The following EML6 variants were observed in gnomAD, a reference collection of about 807,000 sequenced individuals.
EML6 encodes the protein EMAP like 6.
Under a neutral mutation model 240.1 loss-of-function variants are expected in EML6, and 154 were observed. That is an observed-to-expected ratio of 0.64 (90% CI 0.56 to 0.73). The LOEUF is 0.73. EML6 is among the 30% of genes least tolerant of loss of function. The pLI is 0.00. For missense variants in EML6, 2,964 were observed against 2,474.6 expected, an observed-to-expected ratio of 1.20 and a Z score of -4.20; for synonymous variants, 1,148 against 899.0, an observed-to-expected ratio of 1.28 and a Z score of -4.95.
chr2:54,898,657 C>G (rs1346119527), intron 21 of EML6, among the ~76,000 whole-genome samples: 2 of 152,198 alleles, frequency 1.3e-5, no homozygotes, highest in Non-Finnish European at 2.9e-5. Context: ...TCCAATTTCT[C>G]TTTGGAAAGC....
Position 54,820,415 on chromosome 2 carries a change from C to G in EML6, c.478C>G (p.Pro160Ala). The G allele has an allele frequency of 1.3e-6, 2 of 1,549,566 alleles. No individual in the cohort carries two copies. Among genetic ancestry groups the G allele is most frequent in the African/African-American group, 1.4e-5 (1 of 73,046 alleles). ...ACAGATTTTTGATATTTCCTGGGATCCATATCAGCCAAACAGAGTGGTTAG... is the reference window on the plus strand; with the variant it reads ...ACAGATTTTTGATATTTCCTGGGATGCATATCAGCCAAACAGAGTGGTTAG... Reference protein sequence around the residue: ...SDRIFDISWDPYQPNRVVSCG... With the variant: ...SDRIFDISWDAYQPNRVVSCG... Residue 160 changes from proline (P) to alanine (A), a missense_variant, in exon 5 of 42, where the codon CCA (proline) becomes GCA (alanine). Coordinates refer to ENST00000356458, the MANE Select transcript of EML6 (RefSeq NM_001039753.4).
At position 54,724,071 on chromosome 2, in the gene EML6, T is replaced by C. The variant is rs2104351005; in HGVS notation, c.-514+294T>C. Among the ~76,000 whole-genome samples, 1 of 152,312 alleles carries C rather than the reference T, an allele frequency of 6.6e-6. No homozygotes were observed. The highest frequency in any genetic ancestry group is 1.9e-4 in the East Asian group (1 of 5,172). On this transcript the variant is annotated intron_variant, in intron 1 of 41. Transcript: ENST00000356458. This position sits in a 1 kb window ranked among gnomAD's most constrained non-coding sequence, Gnocchi z 5.2. Reference sequence around the variant, plus strand: ...GAAGTACACGATTTTTGCCACTTGTTATTTGATTTCTCCTCGACCAGGAGC... The same window carrying C: ...GAAGTACACGATTTTTGCCACTTGTCATTTGATTTCTCCTCGACCAGGAGC...
chr2:54,803,116 G>A (rs1670270329), intron 2 of EML6, among the ~76,000 whole-genome samples: 1 of 152,088 alleles, frequency 6.6e-6, no homozygotes, highest in African/African-American at 2.4e-5. Context: ...GAGAACAGAA[G>A]GGAGAGGAAA....
At chr2:54,758,031 C>A (rs559059913) in intron 2 of EML6, among the ~76,000 whole-genome samples, 2 of 152,022 alleles carry the variant, frequency 1.3e-5, no homozygotes, top group African/African-American at 4.8e-5. Flanking sequence ...AACTGAAAGT[C>A]TTGCATTGGA....
rs1323495706 is a variant in EML6, at chr2:54,895,213, A to C, written c.2855-60A>C. 5 of 1,531,166 alleles carry C rather than the reference A, an allele frequency of 3.3e-6. No individual in the cohort carries two copies. In the African/African-American group the frequency reaches 6.9e-5, roughly 21 times the overall value. The allele number at this position is 1,531,166 out of a possible 1,614,324, so 94.8% of individuals were successfully genotyped here. On this transcript the variant is annotated intron_variant, in intron 20 of 41. Transcript: ENST00000356458. ...AGTTCTTTGGAGCTATAAAAATTGA[A>C]TTTATACTAATAAGCAGTTGTTTTT...
intron 2 of EML6, among the ~76,000 whole-genome samples, chr2:54,784,012 T>C (rs544630786): frequency 1.3e-5 from 2 of 152,230 alleles, no homozygotes; most frequent in East Asian, 3.9e-4. Context: ...ACAGTCGTGA[T>C]CATAGTTCAT....
chr2:54,964,772 A>G, intron 38 of EML6, 39 bp downstream of exon 38: 1 of 1,541,128 alleles, frequency 6.5e-7, no homozygotes, highest in Non-Finnish European at 8.8e-7. Context: ...GCAACCAATA[A>G]TAACAGCAGT....
In EML6 at chr2:54,775,472, T is replaced by C. The variant is rs141210689; in HGVS notation, c.198-37760T>C. On this transcript the variant is annotated intron_variant, in intron 2 of 41. Coordinates refer to ENST00000356458, the MANE Select transcript of EML6 (RefSeq NM_001039753.4). ...TACTCCCTCATTTTGTGCAGATTTCTGTGCTCCTCCTAACCTCATTGGAGG... is the reference window on the plus strand; with the variant it reads ...TACTCCCTCATTTTGTGCAGATTTCCGTGCTCCTCCTAACCTCATTGGAGG... 4.2e-4 allele frequency among the ~76,000 whole-genome samples: 64 copies of C among 152,340 alleles called. 3 individuals carry two copies. In the East Asian group the frequency reaches 0.011, roughly 26 times the overall value.
At chr2:54,727,071 T>C (rs1420310644) in intron 2 of EML6, among the ~76,000 whole-genome samples, 1 of 152,106 alleles carries the variant, frequency 6.6e-6, no homozygotes, top group African/African-American at 2.4e-5. Context: ...GCCGGGCTAG[T>C]GGGATGTGAT....
At chr2:54,861,634 T>G (rs1003469082) in intron 12 of EML6, among the ~76,000 whole-genome samples, 1 of 152,054 alleles carries the variant, frequency 6.6e-6, no homozygotes, top group Non-Finnish European at 1.5e-5. Flanking sequence ...CATCTTAAGC[T>G]CTAGGGGCCA....
intron 22 of EML6, among the ~76,000 whole-genome samples, chr2:54,900,767 C>T (rs1673013266): frequency 6.6e-6 from 1 of 152,156 alleles, no homozygotes; most frequent in Admixed American, 6.5e-5. Context: ...CCATGCAGAC[C>T]AGCTTCAGGC....
At chr2:54,874,876 G>C (rs938967154) in intron 16 of EML6, among the ~76,000 whole-genome samples, 1 of 152,096 alleles carries the variant, frequency 6.6e-6, no homozygotes, top group Non-Finnish European at 1.5e-5. Context: ...AGTTTGGTGG[G>C]GTGGCCTGGG....
chr2:54,878,265 G>A (rs936284393), intron 16 of EML6, among the ~76,000 whole-genome samples: 8 of 152,224 alleles, frequency 5.3e-5, no homozygotes, highest in Non-Finnish European at 8.8e-5. Flanking sequence ...GGACCTCCGA[G>A]TGGACTGGCA....
At chr2:54,885,159 A>G (rs915557438) in intron 17 of EML6, among the ~76,000 whole-genome samples, 1 of 152,002 alleles carries the variant, frequency 6.6e-6, no homozygotes, top group Non-Finnish European at 1.5e-5. Flanking sequence ...GCTGTCTCAA[A>G]AAAAACCTGG....
intron 2 of EML6, among the ~76,000 whole-genome samples, chr2:54,740,777 A>C: frequency 6.6e-6 from 1 of 151,518 alleles, no homozygotes; most frequent in East Asian, 1.9e-4. Flanking sequence ...AAAGACTTGC[A>C]GGCCTATTTT....
At chr2:54,762,352 C>T (rs1294935695) in intron 2 of EML6, among the ~76,000 whole-genome samples, 1 of 152,142 alleles carries the variant, frequency 6.6e-6, no homozygotes, top group Non-Finnish European at 1.5e-5. Context: ...TGTCTATCCA[C>T]TCATTATTGG....
At position 54,798,946 on chromosome 2, in the gene EML6, T is replaced by G. The variant is rs1284589611; in HGVS notation, c.198-14286T>G. On this transcript the variant is annotated intron_variant, in intron 2 of 41. Transcript: ENST00000356458. ...CCTTTTATTAGATTGGGAATTTCCA[T>G]TCTATTCTTAATTTGCTGACAGCAT... 2.6e-5 allele frequency among the ~76,000 whole-genome samples: 4 copies of G among 152,140 alleles called. No individual in the cohort carries two copies. The South Asian group carries it at 6.2e-4, about 24-fold the overall frequency.
intron 7 of EML6, among the ~76,000 whole-genome samples, 195 bp from the exon 8 acceptor site, chr2:54,843,844 CAAAAAAAA>C (rs34580151): frequency 9.2e-6 from 1 of 108,898 alleles, no homozygotes. Context: ...GACTCCATCT[CAAAAAAAA>C]AAAAAAAAAA....
At chr2:54,889,418 T>G (rs1420913914) in intron 17 of EML6, among the ~76,000 whole-genome samples, 1 of 151,824 alleles carries the variant, frequency 6.6e-6, no homozygotes. Context: ...TGAGTTTTCC[T>G]TTCCAAGAAC....
Sources: allele counts gnomAD v4.1 joint callset (sites outside exome capture counted in the v4.1 genomes callset), GRCh38; gene constraint gnomAD v4.1.1; non-coding constraint Gnocchi (gnomAD v3.1); transcripts MANE v1.5; gene names NCBI Gene and HGNC (gene_info 2026-07-23, HGNC 2026-07-21).